The following NPSR1 variants were observed in gnomAD, a reference collection of about 807,000 sequenced individuals.
NPSR1 encodes neuropeptide S receptor.
A neutral mutation model predicts 46.9 loss-of-function variants in NPSR1; 48 were observed. The ratio of observed to expected loss-of-function variants is 1.02; its 90% CI spans 0.81 to 1.30. The LOEUF (loss-of-function observed/expected upper bound fraction) is 1.30. Among genes scored for constraint, NPSR1 ranks in the 50% most tolerant of loss-of-function variants. The pLI, the probability that NPSR1 is intolerant of heterozygous loss-of-function variation, is 0.00. For missense variants in NPSR1, 450 were observed against 449.5 expected, an observed-to-expected ratio of 1.00 and a Z score of -0.01; for synonymous variants, 176 against 168.1, an observed-to-expected ratio of 1.05 and a Z score of -0.36.
rs374112983 is a variant in NPSR1, at chr7:34,661,568, T to G, written c.147+3009T>G. ...GCACTTCCTTCACAGGCTTAGAGTCTGTTCCTTCCTCCCACCTCCACCCTT... is the reference window on the plus strand; with the variant it reads ...GCACTTCCTTCACAGGCTTAGAGTCGGTTCCTTCCTCCCACCTCCACCCTT... On this transcript the variant is annotated intron_variant, in intron 1 of 8. Transcript: ENST00000360581. Among the ~76,000 whole-genome samples, 19 of 152,306 alleles carry G rather than the reference T, an allele frequency of 1.2e-4. No individual in the cohort carries two copies. The East Asian group carries it at 2.5e-3, about 20-fold the overall frequency.
intron 3 of NPSR1, among the ~76,000 whole-genome samples, chr7:34,808,971 A>G (rs2128750068): frequency 6.6e-6 from 1 of 152,184 alleles, no homozygotes; most frequent in Admixed American, 6.5e-5. Flanking sequence ...ATCAACATTG[A>G]CTGCTCTTCT....
chr7:34,793,769 C>T (rs985460497), intron 3 of NPSR1, among the ~76,000 whole-genome samples: 8 of 152,118 alleles, frequency 5.3e-5, no homozygotes, highest in African/African-American at 1.9e-4. Context: ...CATCTGCTGT[C>T]CTGTGTTTAT....
chr7:34,720,558 C>T (rs766166092), intron 2 of NPSR1, among the ~76,000 whole-genome samples: 9 of 152,070 alleles, frequency 5.9e-5, no homozygotes, highest in Non-Finnish European at 1.3e-4. Context: ...CTCTGAGTAA[C>T]AGTACCATGT....
intron 8 of NPSR1, among the ~76,000 whole-genome samples, chr7:34,870,060 A>G (rs1040333642): frequency 1.3e-5 from 2 of 151,768 alleles, no homozygotes; most frequent in Non-Finnish European, 2.9e-5. Flanking sequence ...GTGCCTAGAA[A>G]TCTCTTCTTC....
intron 3 of NPSR1, among the ~76,000 whole-genome samples, chr7:34,794,991 A>T (rs1052268658): frequency 1.1e-4 from 16 of 152,084 alleles, no homozygotes; most frequent in African/African-American, 3.6e-4. Context: ...GTGAGCTATG[A>T]TTGTGCCACT....
At chr7:34,756,183 G>GC (rs1373542362) in intron 2 of NPSR1, among the ~76,000 whole-genome samples, 1 of 152,032 alleles carries the variant, frequency 6.6e-6, no homozygotes, top group Non-Finnish European at 1.5e-5. Context: ...TCTCCCCACC[G>GC]CCCCCCTACT....
At chr7:34,776,931 T>A (rs974905397) in intron 2 of NPSR1, among the ~76,000 whole-genome samples, 4 of 152,182 alleles carry the variant, frequency 2.6e-5, no homozygotes, top group African/African-American at 9.7e-5. Context: ...TGTGCTGGTA[T>A]CCAAGATGTA....
At position 34,790,769 on chromosome 7, in the gene NPSR1, A is replaced by ATG. The variant is rs368333993; in HGVS notation, c.384+12204_384+12205insTG. ...ATAATATATGTTATATGTTATATAT[A>ATG]ATATATGTTATATGTTATATATATG... On this transcript the variant is annotated intron_variant, in intron 3 of 8. Coordinates refer to ENST00000360581, the MANE Select transcript of NPSR1 (RefSeq NM_207172.2). Among the ~76,000 whole-genome samples the ATG allele has an allele frequency of 9.0e-3, 1,068 of 118,718 alleles. 63 individuals carry two copies. The highest frequency in any genetic ancestry group is 0.019 in the East Asian group (76 of 3,908). 77.9% of individuals were successfully genotyped at this position (118,718 alleles called of 152,430 possible). A position where few individuals can be genotyped will look rare whatever the true frequency, so the allele number is the denominator to read the frequency against.
intron 3 of NPSR1, among the ~76,000 whole-genome samples, chr7:34,790,989 T>TATATGTTATATGTTATATGTTATATTAC (rs1162214576): frequency 9.8e-6 from 1 of 102,374 alleles, no homozygotes; most frequent in Non-Finnish European, 1.9e-5. Flanking sequence ...TGTTATATTA[T>TATATGTTATATGTTATATGTTATATTAC]ATATGTTATA....
intron 3 of NPSR1, among the ~76,000 whole-genome samples, chr7:34,808,796 T>G (rs1562745112): frequency 6.6e-6 from 1 of 152,224 alleles, no homozygotes; most frequent in Admixed American, 6.5e-5. Flanking sequence ...CATGTTGTTA[T>G]AGTGTTTTCT....
intron 3 of NPSR1, among the ~76,000 whole-genome samples, chr7:34,810,860 C>T (rs1788947268): frequency 1.3e-5 from 2 of 152,208 alleles, no homozygotes; most frequent in South Asian, 2.1e-4. Context: ...AGGAACCAAA[C>T]TCTGCTTCCT....
chr7:34,761,802 C>T (rs984513681), intron 2 of NPSR1, among the ~76,000 whole-genome samples: 1 of 152,164 alleles, frequency 6.6e-6, no homozygotes, highest in Non-Finnish European at 1.5e-5. Context: ...GTTTGAGCCC[C>T]ATGTTGTGCA....
chr7:34,850,915 C>T (rs1790916857), downstream of NPSR1, among the ~76,000 whole-genome samples: 1 of 152,162 alleles, frequency 6.6e-6, no homozygotes, highest in Admixed American at 6.5e-5. Flanking sequence ...GCACCTCGGC[C>T]AGGAAGTGCT....
chr7:34,660,824 G>A (rs778894778), intron 1 of NPSR1, among the ~76,000 whole-genome samples: 3 of 152,070 alleles, frequency 2.0e-5, no homozygotes, highest in African/African-American at 7.2e-5. Flanking sequence ...AGCTTGGGTT[G>A]CTTCCTCCAT....
At chr7:34,857,205 G>T (rs778435544) in intron 8 of NPSR1, among the ~76,000 whole-genome samples, 1 of 151,610 alleles carries the variant, frequency 6.6e-6, no homozygotes, top group Non-Finnish European at 1.5e-5. Flanking sequence ...TTTTCAAATT[G>T]ATCTCTGAAG....
chr7:34,798,926 ACAT>A (rs1448156624), intron 3 of NPSR1, among the ~76,000 whole-genome samples: 1 of 152,188 alleles, frequency 6.6e-6, no homozygotes, highest in East Asian at 1.9e-4. Context: ...TGAAAATGTA[ACAT>A]CATAGTTTGT....
Position 34,849,570 on chromosome 7 carries a change from A to C in NPSR1, c.1031A>C (p.Gln344Pro). The C allele has an allele frequency of 5.0e-6, 8 of 1,613,890 alleles. No individual in the cohort carries two copies. Among genetic ancestry groups the C allele is most frequent in the Non-Finnish European group, 5.9e-6 (7 of 1,179,846 alleles). ...SSSISFPCREQRSQDSRMTFR... is the reference protein window; with the variant it reads ...SSSISFPCREPRSQDSRMTFR... ...TTTATTTTGACTTTCTCCAGGGAGC[A>C]AAGATCACAGGATTCCAGAATGACG... Residue 344 changes from glutamine (Q) to proline (P), a missense_variant, in exon 9 of 9, where the codon CAA (glutamine) becomes CCA (proline). By Grantham distance (76) the Gln-to-Pro change is moderately conservative (BLOSUM62 -1). Coordinates refer to ENST00000360581, the MANE Select transcript of NPSR1 (RefSeq NM_207172.2).
intron 1 of NPSR1, 39 bp from the exon 2 acceptor site, chr7:34,684,513 C>T (rs1489300486): frequency 1.2e-6 from 2 of 1,602,922 alleles, no homozygotes; most frequent in East Asian, 4.5e-5. Context: ...CTCCAGTTCT[C>T]ACTGGTACAC....
chr7:34,676,839 T>C (rs1418509767), intron 1 of NPSR1, among the ~76,000 whole-genome samples: 3 of 152,126 alleles, frequency 2.0e-5, no homozygotes, highest in African/African-American at 4.8e-5. Flanking sequence ...CTGAAGCCTA[T>C]GAAGTAAGGT....
Sources: allele counts gnomAD v4.1 joint callset (sites outside exome capture counted in the v4.1 genomes callset), GRCh38; gene constraint gnomAD v4.1.1; transcripts MANE v1.5; gene names NCBI Gene and HGNC (gene_info 2026-07-23, HGNC 2026-07-21).